KSR2: variants seen among roughly 807,000 people sequenced by gnomAD.
The protein encoded by KSR2 is kinase suppressor of ras 2.
A neutral mutation model predicts 107.8 loss-of-function variants in KSR2; 25 were observed. That is an observed-to-expected ratio of 0.23 (90% confidence interval 0.17 to 0.32). KSR2 has a LOEUF of 0.32. Among genes scored for constraint, KSR2 ranks in the 10% least tolerant of loss-of-function variants. The pLI is 1.00. For synonymous variants in KSR2, 480 were observed against 507.0 expected, an observed-to-expected ratio of 0.95 and a Z score of 0.71; for missense variants, 887 against 1,268.9, an observed-to-expected ratio of 0.70 and a Z score of 4.57.
chr12:117,961,720 C>G (rs1896663188), intron 1 of KSR2, among the ~76,000 whole-genome samples: 1 of 152,208 alleles, frequency 6.6e-6, no homozygotes, highest in South Asian at 2.1e-4. Flanking sequence ...ACCCTCCAAC[C>G]AAGCCCAACC....
In KSR2 at chr12:117,761,313, G is replaced by C. The variant is rs776706935; in HGVS notation, c.684C>G (p.Thr228=). Residue 228 remains threonine (T), a synonymous_variant, in exon 4 of 20, where the codon ACC becomes ACG. Coordinates refer to ENST00000339824, the MANE Select transcript of KSR2 (RefSeq NM_173598.6). ...APVYTHVDRL[T]VDAYPGLCPP... is the part of the protein sequence containing the mutation. The stretch of plus-strand genomic sequence containing the variant: ...GGCACAAGCCCGGGTAGGCGTCCAC[G>C]GTAAGCCTGTCCACGTGGGTGTACA... The C allele has an allele frequency of 1.9e-6, 3 of 1,540,456 alleles. No homozygotes were observed. Among genetic ancestry groups the C allele is most frequent in the Non-Finnish European group, 2.6e-6 (3 of 1,148,924 alleles).
rs1870973914 is a variant in KSR2, at chr12:117,462,876, T to C, written c.*4323A>G. 1 of 152,046 alleles carries C rather than the reference T, an allele frequency of 6.6e-6. No homozygotes were observed. The highest frequency in any genetic ancestry group is 2.1e-4 in the South Asian group (1 of 4,812). 9.4% of individuals were successfully genotyped at this position (152,046 alleles called of 1,614,324 possible). A position where few individuals can be genotyped will look rare whatever the true frequency, so the allele number is the denominator to read the frequency against. On this transcript the variant is annotated 3_prime_UTR_variant, in exon 20 of 20. Coordinates refer to ENST00000339824, the MANE Select transcript of KSR2 (RefSeq NM_173598.6). The stretch of plus-strand genomic sequence containing the variant: ...GCGTTGGAACCCTAATCTAATAAGA[T>C]TGTTGTCTTTATCAGAAGAGGAGGA...
At chr12:117,839,569 A>C (rs1892378786) in intron 3 of KSR2, among the ~76,000 whole-genome samples, 2 of 152,224 alleles carry the variant, frequency 1.3e-5, no homozygotes, top group South Asian at 2.1e-4. Context: ...TTGTTTATTA[A>C]AAGATGGCTC....
rs1206024175 is a variant in KSR2, at chr12:117,457,274, C to T, written c.*9925G>A. On this transcript the variant is annotated 3_prime_UTR_variant, in exon 20 of 20. Transcript: ENST00000339824. ...GTGTTTTCCTGTTCTCCTCTGATTTCCTTTCTCCCATGGAAGGTTGCAGAT... is the reference window on the plus strand; with the variant it reads ...GTGTTTTCCTGTTCTCCTCTGATTTTCTTTCTCCCATGGAAGGTTGCAGAT... The T allele has an allele frequency of 6.6e-6, 1 of 152,230 alleles. No homozygotes were observed. The highest frequency in any genetic ancestry group is 1.5e-5 in the Non-Finnish European group (1 of 68,046). The allele number at this position is 152,230 out of a possible 1,614,324, so 9.4% of individuals were successfully genotyped here.
intron 4 of KSR2, among the ~76,000 whole-genome samples, chr12:117,731,696 A>C (rs1887717700): frequency 6.6e-6 from 1 of 152,182 alleles, no homozygotes; most frequent in East Asian, 1.9e-4. Context: ...ACTAAGAAAA[A>C]TTCTTCTGCC....
chr12:117,841,320 T>TGCGC (rs2137162014), intron 3 of KSR2, among the ~76,000 whole-genome samples: 1 of 152,256 alleles, frequency 6.6e-6, no homozygotes, highest in Non-Finnish European at 1.5e-5. Context: ...AACATAATCA[T>TGCGC]GCGCCCACAG....
chr12:117,832,089 A>G lies in KSR2; in HGVS notation c.472+23339T>C, dbSNP rs534523545. ...TACCTGAGGTCAGGAGTTTGAGACT[A>G]TCCTGGCCAACATGGTGAAACCCCG... On this transcript the variant is annotated intron_variant, in intron 3 of 19. Coordinates refer to ENST00000339824, the MANE Select transcript of KSR2 (RefSeq NM_173598.6). Among the ~76,000 whole-genome samples the G allele has an allele frequency of 1.2e-4, 18 of 152,286 alleles. No homozygotes were observed. The East Asian group carries it at 3.1e-3, about 26-fold the overall frequency.
At chr12:117,662,149 G>A (rs1161849875) in intron 5 of KSR2, among the ~76,000 whole-genome samples, 2 of 152,072 alleles carry the variant, frequency 1.3e-5, no homozygotes, top group African/African-American at 4.8e-5. Context: ...AAGTCCTTTG[G>A]GTAACTCCAA....
At chr12:117,962,956 G>A (rs1896698889) in intron 1 of KSR2, among the ~76,000 whole-genome samples, 1 of 150,084 alleles carries the variant, frequency 6.7e-6, no homozygotes, top group Admixed American at 6.7e-5. Flanking sequence ...AGGCTGAGGT[G>A]GGCGGATCAC....
At chr12:117,815,535 A>T (rs947314674) in intron 3 of KSR2, among the ~76,000 whole-genome samples, 1 of 152,256 alleles carries the variant, frequency 6.6e-6, no homozygotes, top group Non-Finnish European at 1.5e-5. Context: ...CTCAGGATAC[A>T]GTAGCAAATC....
At chr12:117,518,237 G>A (rs564273482) in intron 14 of KSR2, among the ~76,000 whole-genome samples, 2 of 152,278 alleles carry the variant, frequency 1.3e-5, no homozygotes, top group Non-Finnish European at 2.9e-5. Flanking sequence ...TGCGCCAAAT[G>A]AGAAATTTAA....
intron 5 of KSR2, among the ~76,000 whole-genome samples, chr12:117,635,793 A>G (rs1321847522): frequency 7.5e-6 from 1 of 133,382 alleles, no homozygotes; most frequent in Admixed American, 7.8e-5. Flanking sequence ...TTGGTATGTT[A>G]CTTTTTTTTT....
chr12:117,843,755 C>G (rs990794968), intron 3 of KSR2, among the ~76,000 whole-genome samples: 1 of 152,160 alleles, frequency 6.6e-6, no homozygotes, highest in Admixed American at 6.5e-5. Flanking sequence ...ATGACAAACT[C>G]ACAAAGGCAA....
intron 7 of KSR2, among the ~76,000 whole-genome samples, chr12:117,576,890 A>T (rs111934408): frequency 0.14 from 21,911 of 152,096 alleles, 1,841 homozygotes; most frequent in Non-Finnish European, 0.18. Context: ...TCCTGGGCTC[A>T]AGTGATCCTC....
intron 3 of KSR2, among the ~76,000 whole-genome samples, chr12:117,811,322 C>G (rs1342649761): frequency 6.6e-6 from 1 of 152,172 alleles, no homozygotes; most frequent in Non-Finnish European, 1.5e-5. Context: ...GTTCCTTCAA[C>G]CATACTAGAA....
intron 4 of KSR2, among the ~76,000 whole-genome samples, chr12:117,710,985 T>C (rs1042794560): frequency 6.6e-6 from 1 of 152,166 alleles, no homozygotes; most frequent in African/African-American, 2.4e-5. Flanking sequence ...TTAGCGCTTG[T>C]CTCAAATGTC....
At chr12:117,619,408 G>T (rs1882053493) in intron 5 of KSR2, among the ~76,000 whole-genome samples, 1 of 151,760 alleles carries the variant, frequency 6.6e-6, no homozygotes, top group African/African-American at 2.4e-5. Context: ...TCCCCTTCCT[G>T]TGTGCATGTG....
intron 10 of KSR2, among the ~76,000 whole-genome samples, chr12:117,535,348 C>T (rs1039810853): frequency 6.6e-6 from 1 of 152,246 alleles, no homozygotes; most frequent in Non-Finnish European, 1.5e-5. Flanking sequence ...AGACACATTG[C>T]CTAGTCTCAT....
intron 8 of KSR2, 56 bp from the exon 9 acceptor site, chr12:117,555,349 T>C: frequency 6.3e-7 from 1 of 1,598,648 alleles, no homozygotes; most frequent in South Asian, 1.1e-5. Context: ...TCTTTGGTTA[T>C]GCCAGGACGG....
Sources: gnomAD v4.1 joint callset for allele counts (sites outside exome capture counted in the v4.1 genomes callset) on GRCh38, gnomAD v4.1.1 for gene constraint, MANE v1.5 for transcripts, NCBI Gene and HGNC (gene_info 2026-07-23, HGNC 2026-07-21) for gene names.